GRM8: variants seen among roughly 807,000 people sequenced by gnomAD.
The protein encoded by GRM8 is glutamate metabotropic receptor 8, also known as metabotropic glutamate receptor 8.
In GRM8, 47 loss-of-function variants were observed where a neutral mutation model predicts 87.2. That is an observed-to-expected ratio of 0.54 (90% CI 0.43 to 0.69). GRM8 has a LOEUF of 0.69. Among genes scored for constraint, GRM8 ranks in the 30% least tolerant of loss-of-function variants. The pLI, the probability that GRM8 is intolerant of heterozygous loss-of-function variation, is 0.00. For missense variants in GRM8, 1,019 were observed against 1,139.2 expected (o/e 0.89, Z 1.52); for synonymous variants, 396 against 404.5 (o/e 0.98, Z 0.25).
At chr7:127,080,975 A>C (rs995638720) in intron 3 of GRM8, 2 of 152,226 alleles carry the variant, frequency 1.3e-5, no homozygotes, top group Non-Finnish European at 2.9e-5. Flanking sequence ...TTTACCAAAA[A>C]TAAACGCATT....
In GRM8 at chr7:127,073,821, TA is replaced by T. The variant is rs780037397; in HGVS notation, c.727+32674del. On this transcript the variant is annotated intron_variant, in intron 3 of 10. Coordinates refer to ENST00000339582, the MANE Select transcript of GRM8 (RefSeq NM_000845.3). ...CTTTTTTCAGACATTTTTATATATA[TA>T]ATAAGACTGTGCTCCTCCAACTAGA... Among the ~76,000 whole-genome samples the T allele has an allele frequency of 9.0e-4, 137 of 152,280 alleles. 1 individual carries two copies. Among genetic ancestry groups the T allele is most frequent in the Non-Finnish European group, 1.8e-3 (121 of 68,004 alleles).
intron 7 of GRM8, among the ~76,000 whole-genome samples, chr7:126,657,649 A>C (rs564404516): frequency 6.6e-6 from 1 of 152,344 alleles, no homozygotes; most frequent in South Asian, 2.1e-4. Context: ...CTTTAGGAAG[A>C]AAGTGTTTGC....
In GRM8 at chr7:126,764,234, T is replaced by C. The variant is rs76541310; in HGVS notation, c.1357+5631A>G. On this transcript the variant is annotated intron_variant, in intron 7 of 10. Transcript: ENST00000339582. ...ATATTAATAATAGTGGCAATAGGTT[T>C]GATCCATCTCTTGATAAGAGTAACT... Among the ~76,000 whole-genome samples, 832 of 152,098 alleles carry C rather than the reference T, an allele frequency of 5.5e-3. 7 individuals carry two copies. The highest frequency in any genetic ancestry group is 0.019 in the African/African-American group (799 of 41,550).
chr7:127,000,822 T>G (rs1049345009), intron 3 of GRM8, among the ~76,000 whole-genome samples: 1 of 151,692 alleles, frequency 6.6e-6, no homozygotes, highest in African/African-American at 2.4e-5. Flanking sequence ...GCCACTGAAT[T>G]GAATACTTAA....
intron 3 of GRM8, among the ~76,000 whole-genome samples, chr7:127,086,635 A>C (rs1823534214): frequency 6.6e-6 from 1 of 152,080 alleles, no homozygotes; most frequent in Non-Finnish European, 1.5e-5. Flanking sequence ...CAACCTCTGC[A>C]CCTGCATAGT....
At chr7:127,110,787 G>A (rs552719428) in intron 2 of GRM8, among the ~76,000 whole-genome samples, 12 of 152,120 alleles carry the variant, frequency 7.9e-5, no homozygotes, top group South Asian at 2.1e-4. Context: ...CTCACTCTCC[G>A]TTCCTTTACT....
At chr7:127,019,311 C>A (rs1366805076) in intron 3 of GRM8, among the ~76,000 whole-genome samples, 1 of 152,022 alleles carries the variant, frequency 6.6e-6, no homozygotes, top group Non-Finnish European at 1.5e-5. Flanking sequence ...TCCTTAAAAA[C>A]AAACTTTCTC....
At chr7:127,156,817 G>A (rs1792760792) in intron 2 of GRM8, among the ~76,000 whole-genome samples, 1 of 151,944 alleles carries the variant, frequency 6.6e-6, no homozygotes, top group African/African-American at 2.4e-5. Context: ...CATGAAGCAG[G>A]AACAAGAAGT....
At chr7:126,662,338 TC>T (rs1400547607) in intron 7 of GRM8, among the ~76,000 whole-genome samples, 3 of 152,140 alleles carry the variant, frequency 2.0e-5, no homozygotes, top group Admixed American at 6.5e-5. Flanking sequence ...ATCTTAAGCC[TC>T]ATCAGAGCTA....
At chr7:126,696,746 G>A (rs180899314) in intron 7 of GRM8, among the ~76,000 whole-genome samples, 2 of 152,264 alleles carry the variant, frequency 1.3e-5, no homozygotes, top group East Asian at 3.9e-4. Context: ...AAGACAGACA[G>A]AGGCTGAAGA....
chr7:126,445,719 G>T (rs78301670), intron 10 of GRM8, among the ~76,000 whole-genome samples: 2,837 of 152,068 alleles, frequency 0.019, 108 homozygotes, highest in African/African-American at 0.065. Flanking sequence ...ATATGTGTAA[G>T]ATCTGTAGTG....
At chr7:126,940,226 G>C (rs562456027) in intron 3 of GRM8, among the ~76,000 whole-genome samples, 18 of 152,176 alleles carry the variant, frequency 1.2e-4, no homozygotes, top group Admixed American at 2.0e-4. Context: ...AAGCTATTTA[G>C]CATGGCTTAT....
At chr7:126,493,000 AGTTT>A (rs776796662) in intron 9 of GRM8, among the ~76,000 whole-genome samples, 4 of 152,184 alleles carry the variant, frequency 2.6e-5, no homozygotes, top group African/African-American at 7.2e-5. Context: ...GCATTGGGAA[AGTTT>A]GTTTGTGTAT....
At chr7:126,898,392 C>A (rs1308243096) in intron 6 of GRM8, among the ~76,000 whole-genome samples, 1 of 152,142 alleles carries the variant, frequency 6.6e-6, no homozygotes, top group Non-Finnish European at 1.5e-5. Context: ...CATCTGAAAA[C>A]TGTCATATGT....
chr7:127,141,736 G>A (rs1466967238), intron 2 of GRM8, among the ~76,000 whole-genome samples: 1 of 152,114 alleles, frequency 6.6e-6, no homozygotes, highest in Non-Finnish European at 1.5e-5. Context: ...CATCTGTATG[G>A]AGAAGAAATA....
At chr7:126,819,148 T>C (rs1586064589) in intron 6 of GRM8, among the ~76,000 whole-genome samples, 1 of 152,224 alleles carries the variant, frequency 6.6e-6, no homozygotes, top group East Asian at 1.9e-4. Flanking sequence ...GAACAAATCT[T>C]TGGATGGCAA....
intron 2 of GRM8, among the ~76,000 whole-genome samples, chr7:127,182,360 A>G (rs1310413755): frequency 1.3e-5 from 2 of 151,990 alleles, no homozygotes; most frequent in African/African-American, 4.8e-5. Context: ...GTCAGCATGG[A>G]TGCAGTGAAC....
chr7:126,934,539 A>C (rs1456518369), intron 3 of GRM8, among the ~76,000 whole-genome samples: 1 of 152,232 alleles, frequency 6.6e-6, no homozygotes, highest in Non-Finnish European at 1.5e-5. Context: ...ATTACACTTA[A>C]GGGTCAGAGA....
chr7:126,762,664 A>G (rs979955776), intron 7 of GRM8, among the ~76,000 whole-genome samples: 5 of 152,220 alleles, frequency 3.3e-5, no homozygotes, highest in African/African-American at 1.2e-4. Flanking sequence ...AGAGTAAATG[A>G]GCAAAAATAA....
Sources: gnomAD v4.1 joint callset for allele counts (sites outside exome capture counted in the v4.1 genomes callset) on GRCh38, gnomAD v4.1.1 for gene constraint, MANE v1.5 for transcripts, NCBI Gene and HGNC (gene_info 2026-07-23, HGNC 2026-07-21) for gene names.